The following SOX13 variants were observed in gnomAD, a reference collection of about 807,000 sequenced individuals.
SOX13 encodes the protein SRY-box transcription factor 13, also known as transcription factor SOX-13.
In SOX13, 28 loss-of-function variants were observed where a neutral mutation model predicts 71.8. That is an observed-to-expected ratio of 0.39 (90% confidence interval 0.29 to 0.53). The LOEUF (loss-of-function observed/expected upper bound fraction) is 0.53. Ranked by LOEUF, SOX13 falls within the 20% of genes least tolerant of loss-of-function variation. The probability of loss-of-function intolerance (pLI) is 0.70; values close to 1 mark genes in which losing one functional copy is unlikely to be tolerated. For synonymous variants in SOX13, 309 were observed against 317.8 expected (o/e 0.97, Z 0.29); for missense variants, 627 against 810.3 (o/e 0.77, Z 2.75).
intron 1 of SOX13, among the ~76,000 whole-genome samples, chr1:204,086,927 CTTTT>C (rs34401152): frequency 7.0e-6 from 1 of 142,710 alleles, no homozygotes; most frequent in Non-Finnish European, 1.5e-5. Flanking sequence ...TTTCTCCTTC[CTTTT>C]TTTTTTTTTG....
chr1:204,113,257 G>T, intron 2 of SOX13, 123 bp downstream of exon 2: 1 of 823,992 alleles, frequency 1.2e-6, no homozygotes. Context: ...GATCCTAGGG[G>T]TAAGACGCCA....
chr1:204,076,385 T>G (rs752534407), intron 1 of SOX13, among the ~76,000 whole-genome samples: 2 of 152,160 alleles, frequency 1.3e-5, no homozygotes, highest in African/African-American at 2.4e-5. Flanking sequence ...GGAGGAGCCC[T>G]GCTCCCTGGG....
Sources: allele counts gnomAD v4.1 joint callset (sites outside exome capture counted in the v4.1 genomes callset), GRCh38; gene constraint gnomAD v4.1.1; transcripts MANE v1.5; gene names NCBI Gene and HGNC (gene_info 2026-07-23, HGNC 2026-07-21).